Variants in SLC39A11 observed in about 807,000 individuals in gnomAD.
SLC39A11 encodes solute carrier family 39 member 11, also known as zinc transporter ZIP11.
A neutral mutation model predicts 36.1 loss-of-function variants in SLC39A11; 33 were observed. That is an observed-to-expected ratio of 0.91 (90% CI 0.69 to 1.22). The LOEUF is 1.22. Ranked by LOEUF, SLC39A11 falls within the 50% of genes most tolerant of loss-of-function variation. The pLI, the probability that SLC39A11 is intolerant of heterozygous loss-of-function variation, is 0.00. For synonymous variants in SLC39A11, 166 were observed against 170.3 expected, an observed-to-expected ratio of 0.97 and a Z score of 0.20; for missense variants, 432 against 430.3, an observed-to-expected ratio of 1.00 and a Z score of -0.03.
chr17:72,653,226 TC>T (rs1411796730), intron 7 of SLC39A11, among the ~76,000 whole-genome samples: 2 of 151,292 alleles, frequency 1.3e-5, no homozygotes, highest in Non-Finnish European at 2.9e-5. Flanking sequence ...TGCTTCAGCC[TC>T]CCGAGTAGCT....
At chr17:72,792,935 C>T (rs1039270975) in intron 6 of SLC39A11, among the ~76,000 whole-genome samples, 1 of 152,186 alleles carries the variant, frequency 6.6e-6, no homozygotes, top group Admixed American at 6.5e-5. Context: ...GGACCAGACA[C>T]ACAAAGATAA....
At chr17:73,062,443 T>C (rs1017732066) in intron 3 of SLC39A11, among the ~76,000 whole-genome samples, 9 of 42,196 alleles carry the variant, frequency 2.1e-4, no homozygotes, top group Admixed American at 1.7e-3. Context: ...GCCTGGGTGA[T>C]AGTGCCAGAG....
chr17:72,978,741 G>A (rs574284668), intron 4 of SLC39A11, among the ~76,000 whole-genome samples: 7 of 152,240 alleles, frequency 4.6e-5, no homozygotes, highest in Non-Finnish European at 8.8e-5. Flanking sequence ...GTGGAAAGGA[G>A]TGGACAGGAT....
chr17:72,833,463 A>G (rs2078374944), intron 6 of SLC39A11, among the ~76,000 whole-genome samples: 1 of 152,252 alleles, frequency 6.6e-6, no homozygotes, highest in African/African-American at 2.4e-5. Flanking sequence ...TCCCACAGGG[A>G]GGCAAAGCTT....
intron 5 of SLC39A11, among the ~76,000 whole-genome samples, chr17:72,870,210 G>A (rs1054678893): frequency 6.6e-6 from 1 of 152,122 alleles, no homozygotes; most frequent in Non-Finnish European, 1.5e-5. Flanking sequence ...TGAGACAGGT[G>A]TATGCATGTG....
chr17:72,717,326 A>G (rs2073449937), intron 7 of SLC39A11, among the ~76,000 whole-genome samples: 1 of 152,138 alleles, frequency 6.6e-6, no homozygotes, highest in South Asian at 2.1e-4. Context: ...GTTTCTTAAC[A>G]GCTGCTGTGA....
intron 3 of SLC39A11, among the ~76,000 whole-genome samples, chr17:73,043,283 C>T (rs900747335): frequency 2.0e-5 from 3 of 152,052 alleles, no homozygotes; most frequent in South Asian, 2.1e-4. Flanking sequence ...GTCCACAAGG[C>T]GAAAGAAGGC....
intron 6 of SLC39A11, among the ~76,000 whole-genome samples, chr17:72,795,667 A>G (rs1184482850): frequency 6.6e-6 from 1 of 152,098 alleles, no homozygotes; most frequent in Non-Finnish European, 1.5e-5. Context: ...CATATTATTA[A>G]AACCACCCAT....
intron 5 of SLC39A11, among the ~76,000 whole-genome samples, chr17:72,858,445 T>C (rs11077643): frequency 0.91 from 138,713 of 152,210 alleles, 63,511 homozygotes; most frequent in East Asian, 0.99. Flanking sequence ...CTTAGGATTG[T>C]TTTGGCTATT....
rs78932753 is a variant in SLC39A11, at chr17:72,952,046, C to T, written c.307-4171G>A. ...GCTAGACAGAGATCCGTTATCTCCA[C>T]CTGTACCCACTCCCGCCTGTACCCC... is the stretch of plus-strand genomic sequence containing the variant. On this transcript the variant is annotated intron_variant, in intron 4 of 9. Transcript: ENST00000255559. Among the ~76,000 whole-genome samples the T allele has an allele frequency of 1.6e-3, 236 of 152,238 alleles. 1 individual carries two copies. Among genetic ancestry groups the T allele is most frequent in the Admixed American group, 5.0e-3 (77 of 15,300 alleles).
At chr17:72,929,012 C>A (rs569215661) in intron 5 of SLC39A11, among the ~76,000 whole-genome samples, 4 of 152,158 alleles carry the variant, frequency 2.6e-5, no homozygotes, top group African/African-American at 4.8e-5. Flanking sequence ...CAGTCTGTAG[C>A]CAGGGGTGAT....
Position 72,806,311 on chromosome 17 carries a change from T to C in SLC39A11, c.601+43323A>G, listed in dbSNP as rs142113548. On this transcript the variant is annotated intron_variant, in intron 6 of 9. Transcript: ENST00000255559. ...AATCATCATTGAGTGAATGTGAGTA[T>C]AGAAAATTCTAGGTTTAATATTATT... 2.5e-4 allele frequency among the ~76,000 whole-genome samples: 38 copies of C among 152,314 alleles called. No individual in the cohort carries two copies. In the East Asian group the frequency reaches 6.6e-3, roughly 26 times the overall value.
At chr17:72,781,466 C>T (rs2076317232) in intron 6 of SLC39A11, among the ~76,000 whole-genome samples, 1 of 151,720 alleles carries the variant, frequency 6.6e-6, no homozygotes, top group Non-Finnish European at 1.5e-5. Context: ...CTCTATCGCC[C>T]AGGCTGGAGT....
chr17:72,657,882 A>C (rs1361544778), intron 7 of SLC39A11, among the ~76,000 whole-genome samples: 3 of 152,244 alleles, frequency 2.0e-5, no homozygotes, highest in African/African-American at 2.4e-5. Flanking sequence ...CCTTGGATCT[A>C]CTGCCCTCTA....
intron 7 of SLC39A11, among the ~76,000 whole-genome samples, chr17:72,702,397 G>C (rs1029644098): frequency 2.0e-5 from 3 of 152,076 alleles, no homozygotes; most frequent in Non-Finnish European, 4.4e-5. Flanking sequence ...AGACATTTTT[G>C]GTTGTCACAA....
chr17:72,942,542 C>G (rs2085179143), intron 5 of SLC39A11, among the ~76,000 whole-genome samples: 1 of 152,134 alleles, frequency 6.6e-6, no homozygotes, highest in African/African-American at 2.4e-5. Flanking sequence ...ACACCTCACT[C>G]TCGATCAAAT....
intron 5 of SLC39A11, among the ~76,000 whole-genome samples, chr17:72,920,000 G>C (rs1343037980): frequency 6.6e-6 from 1 of 152,174 alleles, no homozygotes; most frequent in African/African-American, 2.4e-5. Flanking sequence ...GCTAGAGCTT[G>C]GGTTGCTTTC....
At chr17:72,668,201 TTAAA>T (rs1404004645) in intron 7 of SLC39A11, among the ~76,000 whole-genome samples, 2 of 149,434 alleles carry the variant, frequency 1.3e-5, no homozygotes, top group African/African-American at 4.9e-5. Flanking sequence ...TAAGAATCTT[TTAAA>T]AAAAAAAAAG....
Position 72,713,999 on chromosome 17 carries a change from A to G in SLC39A11, c.671+22651T>C, listed in dbSNP as rs9912910. Among the ~76,000 whole-genome samples, 1,118 of 152,338 alleles carry G rather than the reference A, an allele frequency of 7.3e-3. 7 individuals carry two copies. The highest frequency in any genetic ancestry group is 0.023 in the African/African-American group (948 of 41,576). On this transcript the variant is annotated intron_variant, in intron 7 of 9. Coordinates refer to ENST00000255559, the MANE Select transcript of SLC39A11 (RefSeq NM_139177.4). ...TCAGGGACCTCAAATTTAGATCTAC[A>G]GTCCACCACAAAGGCCGTGCATAGA...
Sources: gnomAD v4.1 joint callset for allele counts (sites outside exome capture counted in the v4.1 genomes callset) on GRCh38, gnomAD v4.1.1 for gene constraint, MANE v1.5 for transcripts, NCBI Gene and HGNC (gene_info 2026-07-23, HGNC 2026-07-21) for gene names.